CRISPLD2: variants seen among roughly 807,000 people sequenced by gnomAD.
CRISPLD2 encodes the protein cysteine-rich secretory protein LCCL domain-containing 2.
Under a neutral mutation model 71.1 loss-of-function variants are expected in CRISPLD2, and 47 were observed. That is an observed-to-expected ratio of 0.66 (90% CI 0.52 to 0.84). The LOEUF is 0.84. Among genes scored for constraint, CRISPLD2 ranks in the 40% least tolerant of loss-of-function variants. The pLI is 0.00. For synonymous variants in CRISPLD2, 317 were observed against 250.1 expected, an observed-to-expected ratio of 1.27 and a Z score of -2.52; for missense variants, 830 against 651.1, an observed-to-expected ratio of 1.27 and a Z score of -2.99.
chr16:84,821,903 G>C (rs1241510340), intron 1 of CRISPLD2, among the ~76,000 whole-genome samples: 1 of 152,210 alleles, frequency 6.6e-6, no homozygotes, highest in Non-Finnish European at 1.5e-5. Flanking sequence ...AGTTAGTTGA[G>C]GCTCAGAATT....
At chr16:84,845,427 A>G (rs1298141372) in intron 2 of CRISPLD2, among the ~76,000 whole-genome samples, 1 of 152,206 alleles carries the variant, frequency 6.6e-6, no homozygotes, top group Non-Finnish European at 1.5e-5. Flanking sequence ...CTTCCAGGCC[A>G]AGACCGTCCC....
In CRISPLD2 at chr16:84,838,532, C is replaced by A. The variant is rs766010932; in HGVS notation, c.37C>A (p.Leu13Met). The A allele has an allele frequency of 9.8e-5, 158 of 1,614,080 alleles. No individual in the cohort carries two copies. The highest frequency in any genetic ancestry group is 1.3e-4 in the Non-Finnish European group (151 of 1,180,046). Residue 13 changes from leucine (L) to methionine (M), a missense_variant, in exon 2 of 15, where the codon CTG becomes ATG. Coordinates refer to ENST00000262424, the MANE Select transcript of CRISPLD2 (RefSeq NM_031476.4). The stretch of plus-strand genomic sequence containing the variant: ...CCTGGGTGGTGTCATCCCCTTGGGG[C>A]TGCTGTTCCTGGTCTGCGGATCCCA... ...CVLGGVIPLGLLFLVCGSQGY... is the reference protein window; with the variant it reads ...CVLGGVIPLGMLFLVCGSQGY...
intron 6 of CRISPLD2, among the ~76,000 whole-genome samples, chr16:84,864,498 C>T (rs903193): frequency 0.081 from 12,334 of 152,282 alleles, 698 homozygotes; most frequent in Admixed American, 0.16. Flanking sequence ...TGAATAGCCT[C>T]ATTGACGGGA....
chr16:84,873,573 C>A, intron 10 of CRISPLD2: 1 of 200,234 alleles, frequency 5.0e-6, no homozygotes, highest in Non-Finnish European at 9.5e-6. Context: ...ATAATTTGAT[C>A]ATGATATTAA....
At position 84,824,974 on chromosome 16, in the gene CRISPLD2, G is replaced by C. The variant is rs890369225; in HGVS notation, c.-75+4841G>C. On this transcript the variant is annotated intron_variant, in intron 1 of 14. Transcript: ENST00000262424. ...CAAAAATTAGCCGGGCGTGGTGGCA[G>C]GCACCTGTAGTCCCAGCTACTCGGG... Among the ~76,000 whole-genome samples the C allele has an allele frequency of 3.9e-5, 6 of 151,932 alleles. No homozygotes were observed. In the South Asian group the frequency reaches 1.0e-3, roughly 26 times the overall value.
chr16:84,873,503 C>CAAAAAAAAAAAAAA (rs1333411767), intron 10 of CRISPLD2: 1 of 88,678 alleles, frequency 1.1e-5, no homozygotes, highest in African/African-American at 6.8e-5. Flanking sequence ...AAAACAACAA[C>CAAAAAAAAAAAAAA]AACAAAAAAA....
chr16:84,878,739 G>T lies in CRISPLD2; in HGVS notation c.1229+1229G>T, dbSNP rs148609656. 1.1e-3 allele frequency among the ~76,000 whole-genome samples: 168 copies of T among 152,348 alleles called. 1 individual carries two copies. The highest frequency in any genetic ancestry group is 3.9e-3 in the African/African-American group (163 of 41,586). ...CATCCTCTTATTTGAATCGGCTGAGGCACCTTCTCAGGTGGAAAAGGCCGC... is the reference window on the plus strand; with the variant it reads ...CATCCTCTTATTTGAATCGGCTGAGTCACCTTCTCAGGTGGAAAAGGCCGC... On this transcript the variant is annotated intron_variant, in intron 12 of 14. Coordinates refer to ENST00000262424, the MANE Select transcript of CRISPLD2 (RefSeq NM_031476.4).
Position 84,838,619 on chromosome 16 carries a change from G to A in CRISPLD2, c.124G>A (p.Glu42Lys), listed in dbSNP as rs146258520. ...EELLSKYQHNESHSRVRRAIP... is the reference protein window; with the variant it reads ...EELLSKYQHNKSHSRVRRAIP... ...GCTGCTCAGCAAATACCAGCACAAC[G>A]AGTCTCACTCCCGGGTCCGCAGAGC... The change falls in exon 2 of 15, where the codon GAG becomes AAG. Residue 42 changes from glutamate to lysine, a missense_variant. Coordinates refer to ENST00000262424, the MANE Select transcript of CRISPLD2 (RefSeq NM_031476.4). 97 of 1,614,238 alleles carry A rather than the reference G, an allele frequency of 6.0e-5. No individual in the cohort carries two copies. The East Asian group carries it at 1.8e-3, about 30-fold the overall frequency.
chr16:84,895,329 T>G (rs1001862260), intron 14 of CRISPLD2, among the ~76,000 whole-genome samples: 7 of 152,150 alleles, frequency 4.6e-5, no homozygotes, highest in African/African-American at 1.7e-4. Context: ...GCCACTGAAC[T>G]TGGGGCACAG....
intron 3 of CRISPLD2, among the ~76,000 whole-genome samples, chr16:84,848,265 G>A (rs1161029401): frequency 2.6e-5 from 4 of 152,134 alleles, no homozygotes; most frequent in East Asian, 1.9e-4. Context: ...TGCAAATGCC[G>A]CTGCCCGCTG....
At chr16:84,896,655 C>T (rs191267279) in intron 14 of CRISPLD2, among the ~76,000 whole-genome samples, 17 of 152,126 alleles carry the variant, frequency 1.1e-4, no homozygotes, top group Non-Finnish European at 1.5e-4. Flanking sequence ...GTGATGGAGG[C>T]GAGGTGTATT....
chr16:84,880,686 C>G (rs1182877759), intron 13 of CRISPLD2, 102 bp downstream of exon 13: 3 of 720,000 alleles, frequency 4.2e-6, no homozygotes, highest in East Asian at 2.6e-5. Context: ...TCCAGTGCCT[C>G]TTAGCTAAAT....
chr16:84,875,892 C>G (rs935213846), intron 11 of CRISPLD2, among the ~76,000 whole-genome samples: 3 of 152,028 alleles, frequency 2.0e-5, no homozygotes, highest in South Asian at 4.1e-4. Context: ...AAATGTTCTT[C>G]CAAACCTAAT....
chr16:84,854,677 G>T, intron 5 of CRISPLD2, 52 bp from the exon 6 acceptor site: 1 of 1,339,222 alleles, frequency 7.5e-7, no homozygotes, highest in Non-Finnish European at 1.1e-6. Flanking sequence ...GATCAGTCCC[G>T]AGGCCTCACG....
intron 1 of CRISPLD2, chr16:84,836,533 C>A (rs928916963): frequency 1.3e-5 from 2 of 152,204 alleles, no homozygotes; most frequent in African/African-American, 4.8e-5. Flanking sequence ...CCTCTCCTCT[C>A]CGCATGGGGT....
At chr16:84,839,026 C>T (rs908767626) in intron 2 of CRISPLD2, 3 of 518,546 alleles carry the variant, frequency 5.8e-6, no homozygotes, top group African/African-American at 1.9e-5. Flanking sequence ...GCTGGAACTA[C>T]AGGCATGCAC....
At chr16:84,842,468 G>A (rs921735897) in intron 2 of CRISPLD2, among the ~76,000 whole-genome samples, 12 of 149,626 alleles carry the variant, frequency 8.0e-5, no homozygotes, top group African/African-American at 2.2e-4. Context: ...TCCACTTCCC[G>A]GTTCAAGCGA....
intron 6 of CRISPLD2, among the ~76,000 whole-genome samples, chr16:84,856,804 A>G (rs1157525044): frequency 6.6e-6 from 1 of 152,222 alleles, no homozygotes; most frequent in African/African-American, 2.4e-5. Context: ...TGGTAAAACC[A>G]GTGAATTCCA....
At position 84,904,594 on chromosome 16, in the gene CRISPLD2, AAAAAAAAAAATTT is replaced by A. The variant is rs1325087309; in HGVS notation, c.1440-1981_1440-1969del. 5.9e-3 allele frequency among the ~76,000 whole-genome samples: 889 copies of A among 149,650 alleles called. 9 individuals are homozygous for A. The highest frequency in any genetic ancestry group is 0.019 in the African/African-American group (789 of 40,576). On this transcript the variant is annotated intron_variant, in intron 14 of 14. Coordinates refer to ENST00000262424, the MANE Select transcript of CRISPLD2 (RefSeq NM_031476.4). Reference sequence around the variant, plus strand: ...GCGAGACTCGGTCTCAAAAAAAGGTAAAAAAAAAAATTTAAAAAAAAAATTAAAAAAAAAAATG... The same window carrying A: ...GCGAGACTCGGTCTCAAAAAAAGGTAAAAAAAAAAATTAAAAAAAAAAATG...
Sources: allele counts gnomAD v4.1 joint callset (sites outside exome capture counted in the v4.1 genomes callset), GRCh38; gene constraint gnomAD v4.1.1; transcripts MANE v1.5; gene names NCBI Gene and HGNC (gene_info 2026-07-23, HGNC 2026-07-21).